Variants in SIM2 observed in about 807,000 individuals in gnomAD.
The protein encoded by SIM2 is single-minded homolog 2.
A neutral mutation model predicts 64.8 loss-of-function variants in SIM2; 28 were observed. The ratio of observed to expected loss-of-function variants is 0.43; its 90% CI spans 0.32 to 0.59. The LOEUF is 0.59. Among genes scored for constraint, SIM2 ranks in the 20% least tolerant of loss-of-function variants. SIM2 has a pLI of 0.07. For synonymous variants in SIM2, 408 were observed against 391.1 expected, an observed-to-expected ratio of 1.04 and a Z score of -0.51; for missense variants, 847 against 871.4, an observed-to-expected ratio of 0.97 and a Z score of 0.35.
At chr21:36,706,334 C>T (rs958878135) in intron 1 of SIM2, among the ~76,000 whole-genome samples, 1 of 152,196 alleles carries the variant, frequency 6.6e-6, no homozygotes, top group Non-Finnish European at 1.5e-5. Context: ...TCCTGCAGTG[C>T]TCTGCAGGGG....
intron 9 of SIM2, among the ~76,000 whole-genome samples, chr21:36,744,493 C>A (rs1466389047): frequency 6.6e-6 from 1 of 151,400 alleles, no homozygotes; most frequent in African/African-American, 2.4e-5. Flanking sequence ...AGAAAGAGTC[C>A]ATGTGTGCCT....
At chr21:36,700,723 C>A (rs549161752) in intron 1 of SIM2, among the ~76,000 whole-genome samples, 192 of 152,286 alleles carry the variant, frequency 1.3e-3, no homozygotes, top group Non-Finnish European at 1.7e-3. Flanking sequence ...GGCTGGGGTG[C>A]GGGAAGTCCG....
chr21:36,738,260 A>G (rs2123491530), intron 7 of SIM2, among the ~76,000 whole-genome samples: 1 of 152,214 alleles, frequency 6.6e-6, no homozygotes, highest in African/African-American at 2.4e-5. Flanking sequence ...TAATCCCAGA[A>G]CTTTGGGAGG....
At chr21:36,730,711 G>A (rs916170318) in intron 6 of SIM2, among the ~76,000 whole-genome samples, 16 of 152,146 alleles carry the variant, frequency 1.1e-4, no homozygotes, top group African/African-American at 2.9e-4. Flanking sequence ...CTTTCTCACC[G>A]TAGCAGCTTT....
At chr21:36,743,341 C>A in intron 8 of SIM2, 46 bp from the exon 9 acceptor site, 1 of 1,551,718 alleles carries the variant, frequency 6.4e-7, no homozygotes, top group Non-Finnish European at 8.7e-7. Flanking sequence ...AGCTGCTCGG[C>A]CTCCAGCGCC....
At chr21:36,737,118 G>A (rs1475188684) in intron 7 of SIM2, among the ~76,000 whole-genome samples, 2 of 152,086 alleles carry the variant, frequency 1.3e-5, no homozygotes, top group Non-Finnish European at 2.9e-5. Context: ...TGGTAAAGAT[G>A]GGGTCTTGCT....
chr21:36,744,466 GAGAAAGAA>G (rs35829364), intron 9 of SIM2, among the ~76,000 whole-genome samples: 10 of 150,928 alleles, frequency 6.6e-5, no homozygotes, highest in East Asian at 1.9e-4. Context: ...GAAGGAAAAA[GAGAAAGAA>G]AGAAAGAAAG....
rs536676467 is a variant in SIM2 at position 36,749,790 on chromosome 21, A to G, written c.*1698A>G. 2.0e-5 allele frequency: 3 copies of G among 152,288 alleles called. No homozygotes were observed. In the East Asian group the frequency reaches 5.8e-4, roughly 29 times the overall value. The allele number at this position is 152,288 out of a possible 1,614,324, so 9.4% of individuals were successfully genotyped here. A position where few individuals can be genotyped will look rare whatever the true frequency, so the allele number is the denominator to read the frequency against. On this transcript the variant is annotated 3_prime_UTR_variant, in exon 11 of 11. Transcript: ENST00000290399. ...GACATTTTTCAATAAAGTACTGCAAAATGCTTTTGTGTCTACCTTGTTATT... is the reference window on the plus strand; with the variant it reads ...GACATTTTTCAATAAAGTACTGCAAGATGCTTTTGTGTCTACCTTGTTATT...
At chr21:36,730,543 G>A (rs2088952647) in intron 6 of SIM2, among the ~76,000 whole-genome samples, 1 of 152,212 alleles carries the variant, frequency 6.6e-6, no homozygotes, top group African/African-American at 2.4e-5. Flanking sequence ...CTGGACAGGG[G>A]CAGTGATGCC....
chr21:36,725,689 G>T (rs1222884139), intron 5 of SIM2, among the ~76,000 whole-genome samples: 2 of 152,018 alleles, frequency 1.3e-5, no homozygotes, highest in South Asian at 2.1e-4. Context: ...GCACAATCTC[G>T]GCTCACTGCA....
At chr21:36,721,333 C>A (rs890251721) in intron 4 of SIM2, among the ~76,000 whole-genome samples, 2 of 152,182 alleles carry the variant, frequency 1.3e-5, no homozygotes, top group Admixed American at 6.5e-5. Flanking sequence ...GAATCGAATT[C>A]TTTCACTGTG....
intron 7 of SIM2, among the ~76,000 whole-genome samples, chr21:36,738,639 G>A (rs1436202464): frequency 6.6e-6 from 1 of 152,210 alleles, no homozygotes; most frequent in Non-Finnish European, 1.5e-5. Context: ...CTCCAGCTGT[G>A]CCCTCAAGCT....
rs577102843 is a variant in SIM2, at chr21:36,744,325, A to AG, written c.1168-403_1168-402insG. The stretch of plus-strand genomic sequence containing the variant: ...CCACATTATGACAAAAAAAAAAAAA[A>AG]AAAGAAAGAAGGAAAAGAAAGGAAG... On this transcript the variant is annotated intron_variant, in intron 9 of 10. Transcript: ENST00000290399. Among the ~76,000 whole-genome samples, 606 of 151,498 alleles carry AG rather than the reference A, an allele frequency of 4.0e-3. 5 individuals carry two copies. Among genetic ancestry groups the AG allele is most frequent in the African/African-American group, 0.014 (578 of 41,214 alleles).
chr21:36,702,813 C>T (rs546685479), intron 1 of SIM2, among the ~76,000 whole-genome samples: 1 of 151,854 alleles, frequency 6.6e-6, no homozygotes, highest in African/African-American at 2.4e-5. Context: ...GCTCTCAGAT[C>T]GCCTCGGGCT....
Position 36,743,670 on chromosome 21 carries a change from G to T in SIM2, c.1167+115G>T, listed in dbSNP as rs1306313426. On this transcript the variant is annotated intron_variant, in intron 9 of 10. Coordinates refer to ENST00000290399, the MANE Select transcript of SIM2 (RefSeq NM_005069.6). ...ATTGCACAGCAGGGATCTCCCTGCC[G>T]TGGAGCAAGGTCCCTCTGGGATGTC... 5 of 1,016,458 alleles carry T rather than the reference G, an allele frequency of 4.9e-6. No homozygotes were observed. The East Asian group carries it at 1.3e-4, about 26-fold the overall frequency. 63.0% of individuals were successfully genotyped at this position (1,016,458 alleles called of 1,614,324 possible).
At chr21:36,711,396 CT>C (rs1185499585) in intron 2 of SIM2, among the ~76,000 whole-genome samples, 1 of 152,162 alleles carries the variant, frequency 6.6e-6, no homozygotes, top group Non-Finnish European at 1.5e-5. Flanking sequence ...GAAAGTTAGG[CT>C]TATAATCAAG....
intron 5 of SIM2, among the ~76,000 whole-genome samples, chr21:36,723,388 G>T (rs2088849761): frequency 1.3e-5 from 2 of 152,234 alleles, no homozygotes; most frequent in South Asian, 4.2e-4. Context: ...TAATACCTTG[G>T]CACTTTCCAT....
At chr21:36,740,347 T>C (rs1003451156) in intron 7 of SIM2, among the ~76,000 whole-genome samples, 3 of 152,198 alleles carry the variant, frequency 2.0e-5, no homozygotes, top group African/African-American at 7.2e-5. Context: ...ACAATGTTTG[T>C]TTCTATTTTA....
chr21:36,719,946 GAAA>G lies in SIM2; in HGVS notation c.457+26_457+28del, dbSNP rs145363163. The G allele has an allele frequency of 2.4e-6, 3 of 1,248,844 alleles. No homozygotes were observed. The highest frequency in any genetic ancestry group is 3.3e-6 in the Non-Finnish European group (3 of 897,430). The allele number at this position is 1,248,844 out of a possible 1,614,324, so 77.4% of individuals were successfully genotyped here. ...TGCTCCAAGGTATTCCATCCAGAGG[GAAA>G]AAAAAAAACAGACTAAAAGCAAGGC... On this transcript the variant is annotated intron_variant, in intron 4 of 10. Coordinates refer to ENST00000290399, the MANE Select transcript of SIM2 (RefSeq NM_005069.6).
Sources: allele counts gnomAD v4.1 joint callset (sites outside exome capture counted in the v4.1 genomes callset), GRCh38; gene constraint gnomAD v4.1.1; transcripts MANE v1.5; gene names NCBI Gene and HGNC (gene_info 2026-07-23, HGNC 2026-07-21).